The following MACROD1 variants were observed in gnomAD, a reference collection of about 807,000 sequenced individuals.
MACROD1 encodes ADP-ribose glycohydrolase MACROD1.
MACROD1 carries 31 observed loss-of-function variants against 41.4 expected under a neutral mutation model. The observed-to-expected ratio is 0.75, with a 90% confidence interval of 0.56 to 1.01. The LOEUF is 1.01. Among genes scored for constraint, MACROD1 ranks in the 50% least tolerant of loss-of-function variants. MACROD1 has a pLI of 0.00. For missense variants in MACROD1, 473 were observed against 460.0 expected (o/e 1.03, Z -0.26); for synonymous variants, 252 against 203.4 (o/e 1.24, Z -2.03).
At chr11:63,999,189 C>G (rs1351101322) in intron 8 of MACROD1, 142 bp downstream of exon 8, 1 of 1,353,568 alleles carries the variant, frequency 7.4e-7, no homozygotes, top group East Asian at 2.5e-5. Context: ...TCGCCACCGC[C>G]AGGCGCCCTT....
chr11:64,061,712 T>C (rs923437676), intron 3 of MACROD1, among the ~76,000 whole-genome samples: 1 of 151,740 alleles, frequency 6.6e-6, no homozygotes, highest in East Asian at 1.9e-4. Context: ...CTTTTTTTTT[T>C]TTTTTGAGAT....
At chr11:64,061,564 C>G (rs970546012) in intron 3 of MACROD1, among the ~76,000 whole-genome samples, 3 of 152,230 alleles carry the variant, frequency 2.0e-5, no homozygotes, top group Non-Finnish European at 4.4e-5. Context: ...CTGAGCACCA[C>G]CCCCCATTTG....
chr11:64,103,615 AG>A (rs1400907244), intron 3 of MACROD1: 4 of 151,890 alleles, frequency 2.6e-5, no homozygotes, highest in Non-Finnish European at 5.9e-5. Context: ...GTAAACAAAA[AG>A]GGGGTAAAAG....
intron 3 of MACROD1, among the ~76,000 whole-genome samples, chr11:64,102,464 AAGGCAGT>A (rs1944687541): frequency 6.6e-6 from 1 of 152,216 alleles, no homozygotes; most frequent in Admixed American, 6.5e-5. Context: ...ATGGTGGGGA[AAGGCAGT>A]GCTTGTTCTG....
chr11:64,016,161 C>T (rs944075883), intron 3 of MACROD1, among the ~76,000 whole-genome samples: 2 of 152,154 alleles, frequency 1.3e-5, no homozygotes, highest in African/African-American at 4.8e-5. Context: ...TCTGTCCGAT[C>T]GGCTGCCCCT....
At chr11:64,012,828 G>T (rs1420625243) in intron 4 of MACROD1, among the ~76,000 whole-genome samples, 8 of 150,810 alleles carry the variant, frequency 5.3e-5, no homozygotes, top group African/African-American at 2.0e-4. Flanking sequence ...GAGCCACCAT[G>T]CCCGGCCCCT....
intron 3 of MACROD1, among the ~76,000 whole-genome samples, chr11:64,148,031 G>A (rs1945520347): frequency 6.6e-6 from 1 of 151,974 alleles, no homozygotes; most frequent in Admixed American, 6.6e-5. Flanking sequence ...GAGCTACTAC[G>A]TCCCGCCCAG....
At position 64,067,845 on chromosome 11, in the gene MACROD1, G is replaced by T. The variant is rs1944033951; in HGVS notation, c.518-52564C>A. ...CCTGAAATGGGTGATGAGGGGGTTG[G>T]GGGAGGAGCTGAGCGGCCCACTTCC... is the stretch of plus-strand genomic sequence containing the variant. On this transcript the variant is annotated intron_variant, in intron 3 of 10. Transcript: ENST00000255681. The surrounding 1 kb of genome is among the most constrained non-coding windows in gnomAD (Gnocchi z 4.6). Among the ~76,000 whole-genome samples the T allele has an allele frequency of 6.6e-6, 1 of 152,192 alleles. No individual in the cohort carries two copies. The highest frequency in any genetic ancestry group is 1.5e-5 in the Non-Finnish European group (1 of 68,030).
chr11:64,088,813 G>A (rs1944439902), intron 3 of MACROD1, among the ~76,000 whole-genome samples: 1 of 152,212 alleles, frequency 6.6e-6, no homozygotes, highest in South Asian at 2.1e-4. Flanking sequence ...GGCTCTTGGT[G>A]GGTGGGAGTG....
At position 64,154,605 on chromosome 11, in the gene MACROD1, A is replaced by G. The variant is rs529550173; in HGVS notation, c.299-2212T>C. 6.6e-4 allele frequency among the ~76,000 whole-genome samples: 101 copies of G among 152,102 alleles called. 1 individual carries two copies. Among genetic ancestry groups the G allele is most frequent in the Non-Finnish European group, 1.2e-3 (83 of 67,966 alleles). ...CTGGCCTCTCTCCCACCTCACTCCC[A>G]ATGCTGCCTCCCCCACTACACCAGT... On this transcript the variant is annotated intron_variant, in intron 1 of 10. Coordinates refer to ENST00000255681, the MANE Select transcript of MACROD1 (RefSeq NM_014067.4).
intron 3 of MACROD1, among the ~76,000 whole-genome samples, chr11:64,054,661 GACA>G (rs1194586876): frequency 4.6e-5 from 7 of 152,060 alleles, no homozygotes; most frequent in Non-Finnish European, 8.8e-5. Flanking sequence ...TGAGGAGAGA[GACA>G]ACCTCACCTC....
intron 3 of MACROD1, among the ~76,000 whole-genome samples, chr11:64,024,227 G>A (rs1943196064): frequency 6.6e-6 from 1 of 152,366 alleles, no homozygotes; most frequent in Admixed American, 6.5e-5. Context: ...CCATGGCCCT[G>A]AAGGACCTTC....
intron 3 of MACROD1, among the ~76,000 whole-genome samples, chr11:64,039,393 C>T (rs938596875): frequency 1.3e-5 from 2 of 152,188 alleles, no homozygotes; most frequent in African/African-American, 2.4e-5. Flanking sequence ...GTACTGCCTT[C>T]CAAGTGTGTT....
rs1338546208 is a variant in MACROD1 at position 64,146,292 on chromosome 11, GAC to G, written c.517+4945_517+4946del. Among the ~76,000 whole-genome samples the G allele has an allele frequency of 1.3e-5, 2 of 152,186 alleles. No homozygotes were observed. Among genetic ancestry groups the G allele is most frequent in the East Asian group, 1.9e-4 (1 of 5,196 alleles). ...TACCCTGAGACCGGCGCTCTCCCCA[GAC>G]ACAGGACTGAGGTCATAGGCAAGGC... On this transcript the variant is annotated intron_variant, in intron 3 of 10. Transcript: ENST00000255681. This position sits in a 1 kb window ranked among gnomAD's most constrained non-coding sequence, Gnocchi z 4.7.
At chr11:64,138,823 G>A (rs1416426364) in intron 3 of MACROD1, among the ~76,000 whole-genome samples, 5 of 151,712 alleles carry the variant, frequency 3.3e-5, no homozygotes, top group Non-Finnish European at 5.9e-5. Flanking sequence ...GCTGGAGTGC[G>A]GTGGCACCAT....
intron 4 of MACROD1, chr11:64,008,969 T>A (rs1333203702): frequency 6.6e-6 from 1 of 152,168 alleles, no homozygotes; most frequent in African/African-American, 2.4e-5. Context: ...AATCTGTCAC[T>A]AAAGCTTGGC....
At chr11:64,165,142 G>A (rs1027044662) in intron 1 of MACROD1, among the ~76,000 whole-genome samples, 1 of 152,232 alleles carries the variant, frequency 6.6e-6, no homozygotes, top group African/African-American at 2.4e-5. Context: ...GCTTGGGGTG[G>A]GGTGGAGGCA....
chr11:64,003,581 A>G (rs1942861594), intron 4 of MACROD1, among the ~76,000 whole-genome samples: 2 of 151,996 alleles, frequency 1.3e-5, no homozygotes, highest in African/African-American at 2.4e-5. Context: ...CTCACCCCCC[A>G]TGGCCTTTGT....
chr11:64,095,224 A>T (rs1565230031), intron 3 of MACROD1, among the ~76,000 whole-genome samples: 1 of 152,074 alleles, frequency 6.6e-6, no homozygotes, highest in Non-Finnish European at 1.5e-5. Context: ...TTTTTCCCCC[A>T]TTCCTCCCAA....
Sources: allele counts gnomAD v4.1 joint callset (sites outside exome capture counted in the v4.1 genomes callset), GRCh38; gene constraint gnomAD v4.1.1; non-coding constraint Gnocchi (gnomAD v3.1); transcripts MANE v1.5; gene names NCBI Gene and HGNC (gene_info 2026-07-23, HGNC 2026-07-21).